The following TXNRD3 variants were observed in gnomAD, a reference collection of about 807,000 sequenced individuals.
TXNRD3 encodes TXNRD3 neighbor gene protein.
A neutral mutation model predicts 78.2 loss-of-function variants in TXNRD3; 68 were observed. The observed-to-expected ratio is 0.87, with a 90% CI of 0.72 to 1.06. The LOEUF (loss-of-function observed/expected upper bound fraction) is 1.06, where lower values mean the gene tolerates loss of function less well. Among genes scored for constraint, TXNRD3 ranks in the 50% least tolerant of loss-of-function variants. The probability of loss-of-function intolerance (pLI) is 0.00; values close to 1 mark genes in which losing one functional copy is unlikely to be tolerated. For synonymous variants in TXNRD3, 296 were observed against 300.1 expected (o/e 0.99, Z 0.14); for missense variants, 751 against 809.5 (o/e 0.93, Z 0.88).
At chr3:126,610,765 T>C (rs1293646287) in intron 14 of TXNRD3, among the ~76,000 whole-genome samples, 1 of 152,312 alleles carries the variant, frequency 6.6e-6, no homozygotes, top group East Asian at 1.9e-4. Flanking sequence ...AAACTGTCAC[T>C]GCTCAGCCTC....
chr3:126,644,322 C>A lies in TXNRD3; in HGVS notation c.494G>T (p.Gly165Val). The A allele has an allele frequency of 6.5e-7, 1 of 1,536,514 alleles. No homozygotes were observed. The highest frequency in any genetic ancestry group is 8.7e-7 in the Non-Finnish European group (1 of 1,147,006). Residue 165 changes from glycine to valine, a missense_variant, in exon 4 of 16, where the codon GGT becomes GTT. Physicochemically the swap from Gly to Val is moderately radical, Grantham distance 109 (BLOSUM62 -3). Coordinates refer to ENST00000524230, the MANE Select transcript of TXNRD3 (RefSeq NM_052883.3). ...CTTCGCACATGAAAGGCCTCCAGAA[C>A]CACCACCGATGATGATGAGATCATA... is the stretch of plus-strand genomic sequence containing the variant.
At chr3:126,638,798 A>T (rs1444915922) in intron 6 of TXNRD3, among the ~76,000 whole-genome samples, 1 of 152,194 alleles carries the variant, frequency 6.6e-6, no homozygotes, top group East Asian at 1.9e-4. Context: ...TAATTATAAG[A>T]TTTTACCCAT....
intron 10 of TXNRD3, among the ~76,000 whole-genome samples, chr3:126,623,641 AAC>A (rs1938504580): frequency 6.6e-6 from 1 of 152,134 alleles, no homozygotes; most frequent in South Asian, 2.1e-4. Flanking sequence ...ACAAAATTAA[AAC>A]ACTCTTTCAT....
chr3:126,646,104 T>C lies in TXNRD3; in HGVS notation c.414+7A>G, dbSNP rs1332448124. 1 of 1,515,306 alleles carries C rather than the reference T, an allele frequency of 6.6e-7. No individual in the cohort carries two copies. The highest frequency in any genetic ancestry group is 2.5e-5 in the East Asian group (1 of 40,626). The allele number at this position is 1,515,306 out of a possible 1,614,324, so 93.9% of individuals were successfully genotyped here. A position where few individuals can be genotyped will look rare whatever the true frequency, so the allele number is the denominator to read the frequency against. ...CAGCATTGAAGAACATATAATAGTA[T>C]TATTACCTGGAAAGTTTGGTCACAT... is the stretch of plus-strand genomic sequence containing the variant. On this transcript the variant is annotated splice_region_variant and intron_variant, in intron 3 of 15. Transcript: ENST00000524230.
At chr3:126,643,693 C>A (rs1559779077) in intron 5 of TXNRD3, among the ~76,000 whole-genome samples, 1 of 151,790 alleles carries the variant, frequency 6.6e-6, no homozygotes. Context: ...TTAACTATAT[C>A]CTCACTAAGA....
chr3:126,654,881 C>T lies in TXNRD3; in HGVS notation c.110G>A (p.Arg37His). 3.8e-6 allele frequency: 5 copies of T among 1,326,532 alleles called. No individual in the cohort carries two copies. Among genetic ancestry groups the T allele is most frequent in the South Asian group, 2.1e-5 (1 of 48,698 alleles). 82.2% of individuals were successfully genotyped at this position (1,326,532 alleles called of 1,614,324 possible). Reference sequence around the variant, plus strand: ...GGGCCCGGGGGACGACAGGCGGGCACGGCGCCCCGGCGGCGACAACACGCG... The same window carrying T: ...GGGCCCGGGGGACGACAGGCGGGCATGGCGCCCCGGCGGCGACAACACGCG... The change falls in exon 1 of 16, where the codon CGT (arginine) becomes CAT (histidine). Residue 37 changes from arginine (R) to histidine (H), a missense_variant. By Grantham distance (29) the Arg-to-His change is conservative. Transcript: ENST00000524230.
At chr3:126,652,322 C>A (rs1933410580) in intron 1 of TXNRD3, among the ~76,000 whole-genome samples, 1 of 152,098 alleles carries the variant, frequency 6.6e-6, no homozygotes, top group Non-Finnish European at 1.5e-5. Context: ...TGATACTAAA[C>A]CATTCATGAG....
intron 1 of TXNRD3, among the ~76,000 whole-genome samples, chr3:126,647,668 A>C (rs1013888818): frequency 6.6e-6 from 1 of 152,162 alleles, no homozygotes; most frequent in Non-Finnish European, 1.5e-5. Flanking sequence ...CATCTCTACA[A>C]AAAATAAAAA....
chr3:126,634,736 T>C (rs1007619665), intron 6 of TXNRD3, among the ~76,000 whole-genome samples: 1 of 152,164 alleles, frequency 6.6e-6, no homozygotes, highest in African/African-American at 2.4e-5. Context: ...TCTATGTTTA[T>C]AAGATGCAGG....
At position 126,607,851 on chromosome 3, in the gene TXNRD3, T is replaced by C. The variant is rs1938084750; in HGVS notation, c.*54A>G. 1 of 1,419,236 alleles carries C rather than the reference T, an allele frequency of 7.0e-7. No homozygotes were observed. Among genetic ancestry groups the C allele is most frequent in the South Asian group, 1.3e-5 (1 of 74,550 alleles). 87.9% of individuals were successfully genotyped at this position (1,419,236 alleles called of 1,614,324 possible). A position where few individuals can be genotyped will look rare whatever the true frequency, so the allele number is the denominator to read the frequency against. ...ACAGGCTCATTTTATCCGAGAGCAT[T>C]CTTATCTTTGAGAGAAATGAGAATA... is the stretch of plus-strand genomic sequence containing the variant. On this transcript the variant is annotated 3_prime_UTR_variant, in exon 16 of 16. Transcript: ENST00000524230.
chr3:126,639,170 C>T (rs537146688), intron 6 of TXNRD3, among the ~76,000 whole-genome samples: 3 of 152,030 alleles, frequency 2.0e-5, no homozygotes, highest in African/African-American at 7.2e-5. Flanking sequence ...AAAAGAGATT[C>T]CATAAGTACC....
chr3:126,615,552 A>G (rs1481804038), intron 12 of TXNRD3, 90 bp from the exon 13 acceptor site: 5 of 584,046 alleles, frequency 8.6e-6, no homozygotes, highest in Non-Finnish European at 1.4e-5. Context: ...AAAATAAATC[A>G]GTCCAGTTCA....
Position 126,621,841 on chromosome 3 carries a change from A to G in TXNRD3, c.1425T>C (p.Ala475=), listed in dbSNP as rs1938463981. Residue 475 remains alanine, a synonymous_variant, in exon 12 of 16, where the codon GCT becomes GCC. Coordinates refer to ENST00000524230, the MANE Select transcript of TXNRD3 (RefSeq NM_052883.3). ...GCTTATCCTCCAAAATATCACCAACAGCATAGACATATGGCACATTGGTCT... is the reference window on the plus strand; with the variant it reads ...GCTTATCCTCCAAAATATCACCAACGGCATAGACATATGGCACATTGGTCT... The G allele has an allele frequency of 3.3e-6, 5 of 1,535,360 alleles. No individual in the cohort carries two copies. The highest frequency in any genetic ancestry group is 4.4e-6 in the Non-Finnish European group (5 of 1,146,752).
chr3:126,643,614 G>GA (rs1933146846), intron 5 of TXNRD3, among the ~76,000 whole-genome samples: 1 of 152,004 alleles, frequency 6.6e-6, no homozygotes, highest in Non-Finnish European at 1.5e-5. Context: ...TGTGGTCATG[G>GA]AATTTTTTTT....
intron 6 of TXNRD3, among the ~76,000 whole-genome samples, chr3:126,636,925 A>AT (rs34611548): frequency 0.1 from 14,193 of 140,828 alleles, 939 homozygotes; most frequent in African/African-American, 0.2. Flanking sequence ...TTCTTTTGTG[A>AT]TTTTTTTTTT....
At chr3:126,622,397 C>T in intron 11 of TXNRD3, 67 bp downstream of exon 11, 2 of 1,113,658 alleles carry the variant, frequency 1.8e-6, no homozygotes, top group Non-Finnish European at 2.5e-6. Flanking sequence ...ATGAGAATTT[C>T]TTAGAGGTGA....
At position 126,637,758 on chromosome 3, in the gene TXNRD3, TTTTG is replaced by T. The variant is rs557919478; in HGVS notation, c.713-3711_713-3708del. Among the ~76,000 whole-genome samples, 474 of 152,100 alleles carry T rather than the reference TTTTG, an allele frequency of 3.1e-3. 10 individuals are homozygous for T. Among genetic ancestry groups the T allele is most frequent in the Admixed American group, 0.027 (409 of 15,284 alleles). On this transcript the variant is annotated intron_variant, in intron 6 of 15. Transcript: ENST00000524230. Reference sequence around the variant, plus strand: ...AAGGTATCTTATTTTCTGTTGCTATTTTTGTTTGTTTTAACTTGTAGTTTCATGT... The same window carrying T: ...AAGGTATCTTATTTTCTGTTGCTATTTTTGTTTTAACTTGTAGTTTCATGT...
intron 1 of TXNRD3, 63 bp downstream of exon 1, chr3:126,654,685 C>G (rs1933468349): frequency 2.6e-6 from 3 of 1,156,944 alleles, no homozygotes; most frequent in Non-Finnish European, 3.2e-6. Flanking sequence ...CCGCCCTGCC[C>G]CGGGTGGCGT....
chr3:126,622,441 T>C (rs3732533), intron 11 of TXNRD3, 23 bp downstream of exon 11: 104,977 of 1,505,454 alleles, frequency 0.07, 4,247 homozygotes, highest in East Asian at 0.19. Flanking sequence ...GCAGCAACAG[T>C]GCAGTGATCC....
Sources: gnomAD v4.1 joint callset for allele counts (sites outside exome capture counted in the v4.1 genomes callset) on GRCh38, gnomAD v4.1.1 for gene constraint, MANE v1.5 for transcripts, NCBI Gene and HGNC (gene_info 2026-07-23, HGNC 2026-07-21) for gene names.